The following TRPM2 variants were observed in gnomAD, a reference collection of about 807,000 sequenced individuals.
TRPM2 encodes the protein estrogen-responsive element-associated gene 1 protein.
A neutral mutation model predicts 174.0 loss-of-function variants in TRPM2; 161 were observed. The ratio of observed to expected loss-of-function variants is 0.93; its 90% CI spans 0.81 to 1.05. The LOEUF (loss-of-function observed/expected upper bound fraction) is 1.05. Among genes scored for constraint, TRPM2 ranks in the 50% least tolerant of loss-of-function variants. TRPM2 has a pLI of 0.00. For synonymous variants in TRPM2, 954 were observed against 861.3 expected, an observed-to-expected ratio of 1.11 and a Z score of -1.88; for missense variants, 2,057 against 2,038.0, an observed-to-expected ratio of 1.01 and a Z score of -0.18.
chr21:44,391,085 GA>G lies in TRPM2; in HGVS notation c.1440+62del, dbSNP rs2049158646. On this transcript the variant is annotated intron_variant, in intron 10 of 31. Transcript: ENST00000397928. This position sits in a 1 kb window ranked among gnomAD's most constrained non-coding sequence, Gnocchi z 5.0. ...CTGGGCCCACATGCATTGCACCACT[GA>G]AGCAAGGGCAGGCAAAGTTCGCATT... The G allele has an allele frequency of 6.2e-7, 1 of 1,606,696 alleles. No homozygotes were observed. Among genetic ancestry groups the G allele is most frequent in the Non-Finnish European group, 8.5e-7 (1 of 1,175,136 alleles).
At chr21:44,375,433 G>A (rs2048670035) in intron 5 of TRPM2, among the ~76,000 whole-genome samples, 1 of 152,204 alleles carries the variant, frequency 6.6e-6, no homozygotes, top group Admixed American at 6.5e-5. Flanking sequence ...GCCTGAAACA[G>A]CAGCATTGTG....
At position 44,366,385 on chromosome 21, in the gene TRPM2, G is replaced by A. The variant is rs190467963; in HGVS notation, c.424-369G>A. Among the ~76,000 whole-genome samples the A allele has an allele frequency of 3.8e-4, 57 of 150,532 alleles. No homozygotes were observed. Among genetic ancestry groups the A allele is most frequent in the African/African-American group, 1.2e-3 (48 of 39,888 alleles). ...CCCGGTGCAGGAGCTGATTAGACCC[G>A]GGGGAGGCAGGGCCCAGGCGCTACG... On this transcript the variant is annotated intron_variant, in intron 3 of 31. Transcript: ENST00000397928. This position sits in a 1 kb window ranked among gnomAD's most constrained non-coding sequence, Gnocchi z 6.0.
rs1297555125 is a variant in TRPM2, at chr21:44,364,172, C to A, written c.313C>A (p.Pro105Thr). ...HEQHLEEATK[P>T]HTFQGTQWDP... is the part of the protein sequence containing the mutation. Reference sequence around the variant, plus strand: ...GCAGCACTTGGAGGAGGCTACCAAGCCCCACACCTTCCAGGGCACACAGTG... The same window carrying A: ...GCAGCACTTGGAGGAGGCTACCAAGACCCACACCTTCCAGGGCACACAGTG... The change falls in exon 3 of 32, where the codon CCC becomes ACC. Residue 105 changes from proline to threonine, a missense_variant. Transcript: ENST00000397928. 6.2e-7 allele frequency: 1 copy of A among 1,614,074 alleles called. No homozygotes were observed. The highest frequency in any genetic ancestry group is 8.5e-7 in the Non-Finnish European group (1 of 1,180,036).
intron 2 of TRPM2, among the ~76,000 whole-genome samples, chr21:44,356,850 C>G (rs1238273879): frequency 6.6e-6 from 1 of 152,208 alleles, no homozygotes; most frequent in East Asian, 1.9e-4. Context: ...TTTCCTCTTT[C>G]TTTCAGACCA....
At chr21:44,441,459 C>T (rs192257262) in intron 31 of TRPM2, among the ~76,000 whole-genome samples, 2 of 152,328 alleles carry the variant, frequency 1.3e-5, no homozygotes, top group East Asian at 1.9e-4. Context: ...GCTTTAAATG[C>T]GGGCTAAATA....
Position 44,408,654 on chromosome 21 carries a change from CTTTT to C in TRPM2, c.2962+1907_2962+1910del, listed in dbSNP as rs34026339. On this transcript the variant is annotated intron_variant, in intron 19 of 31. Coordinates refer to ENST00000397928, the MANE Select transcript of TRPM2 (RefSeq NM_003307.4). ...GAAATGTCTCTCCCTCTCCTTTGCC[CTTTT>C]TTTTTTTTTTTTTTTTTCCGACAGG... Among the ~76,000 whole-genome samples, 35 of 102,706 alleles carry C rather than the reference CTTTT, an allele frequency of 3.4e-4. 1 individual carries two copies. Among genetic ancestry groups the C allele is most frequent in the African/African-American group, 1.1e-3 (31 of 27,606 alleles). The allele number at this position is 102,706 out of a possible 152,430, so 67.4% of individuals were successfully genotyped here.
At chr21:44,431,484 T>A (rs2051020601) in intron 27 of TRPM2, among the ~76,000 whole-genome samples, 1 of 152,112 alleles carries the variant, frequency 6.6e-6, no homozygotes, top group Admixed American at 6.5e-5. Flanking sequence ...GCTTTTTTTA[T>A]CTTGAGATGG....
chr21:44,355,183 C>A (rs2048020585), intron 2 of TRPM2, among the ~76,000 whole-genome samples: 1 of 152,060 alleles, frequency 6.6e-6, no homozygotes, highest in Admixed American at 6.5e-5. Flanking sequence ...GCCCGACTTG[C>A]CCCCAGGCCC....
chr21:44,405,153 C>T lies in TRPM2; in HGVS notation c.2550C>T (p.Asp850=). ...CCTCTTCCCAGTAGCTCTTCTATGACCCTGACGAGTGCGGGCTGATGAAGA... is the reference window on the plus strand; with the variant it reads ...CCTCTTCCCAGTAGCTCTTCTATGATCCTGACGAGTGCGGGCTGATGAAGA... ...VCEEMRQLFY[D]PDECGLMKKA... Residue 850 remains aspartate (D), a synonymous_variant, in exon 17 of 32, where the codon GAC becomes GAT. Transcript: ENST00000397928. The T allele has an allele frequency of 6.2e-7, 1 of 1,613,482 alleles. No homozygotes were observed. Among genetic ancestry groups the T allele is most frequent in the African/African-American group, 1.3e-5 (1 of 75,052 alleles).
Position 44,399,082 on chromosome 21 carries a change from T to C in TRPM2, c.2063-214T>C, listed in dbSNP as rs2049522965. Reference sequence around the variant, plus strand: ...GTCCCTGTCTGAGTTTTCTCCCTGTTGTCATTTTTGTAGAGGCAGTTCCAG... The same window carrying C: ...GTCCCTGTCTGAGTTTTCTCCCTGTCGTCATTTTTGTAGAGGCAGTTCCAG... On this transcript the variant is annotated intron_variant, in intron 13 of 31. Transcript: ENST00000397928. The surrounding 1 kb of genome is among the most constrained non-coding windows in gnomAD (Gnocchi z 4.6). Among the ~76,000 whole-genome samples, 1 of 152,110 alleles carries C rather than the reference T, an allele frequency of 6.6e-6. No homozygotes were observed. The highest frequency in any genetic ancestry group is 2.4e-5 in the African/African-American group (1 of 41,410).
chr21:44,383,271 T>C (rs191534459), intron 9 of TRPM2, among the ~76,000 whole-genome samples: 2 of 152,168 alleles, frequency 1.3e-5, no homozygotes, highest in Non-Finnish European at 2.9e-5. Flanking sequence ...GCCTGGCCCA[T>C]TCTCCAGGCC....
chr21:44,379,265 G>T (rs2048804326), intron 8 of TRPM2, 68 bp downstream of exon 8: 1 of 1,552,180 alleles, frequency 6.4e-7, no homozygotes, highest in East Asian at 2.2e-5. Context: ...AGCCTGGTGG[G>T]CAGGACCAGG....
intron 11 of TRPM2, among the ~76,000 whole-genome samples, chr21:44,394,317 C>CTTT (rs35448660): frequency 1.4e-4 from 16 of 112,664 alleles, no homozygotes; most frequent in African/African-American, 3.0e-4. Context: ...AAACACATTT[C>CTTT]TTTTTTTTTT....
chr21:44,406,843 G>A, intron 19 of TRPM2, 78 bp downstream of exon 19: 2 of 1,517,746 alleles, frequency 1.3e-6, no homozygotes, highest in Non-Finnish European at 1.8e-6. Flanking sequence ...CCGCATGAGT[G>A]GGAGTGAGGC....
chr21:44,419,905 G>A (rs2146355809), intron 22 of TRPM2, among the ~76,000 whole-genome samples: 1 of 151,582 alleles, frequency 6.6e-6, no homozygotes, highest in East Asian at 1.9e-4. Context: ...TAATGGTGAT[G>A]GTGACAGTGG....
intron 28 of TRPM2, among the ~76,000 whole-genome samples, chr21:44,435,485 C>T (rs2051209298): frequency 6.6e-6 from 1 of 152,022 alleles, no homozygotes; most frequent in Non-Finnish European, 1.5e-5. Context: ...CTGCCGGTCC[C>T]TGCCCATTAG....
At position 44,367,780 on chromosome 21, in the gene TRPM2, C is replaced by T. The variant is rs979544329; in HGVS notation, c.604+846C>T. 6.6e-6 allele frequency among the ~76,000 whole-genome samples: 1 copy of T among 152,218 alleles called. No individual in the cohort carries two copies. Among genetic ancestry groups the T allele is most frequent in the Non-Finnish European group, 1.5e-5 (1 of 68,042 alleles). On this transcript the variant is annotated intron_variant, in intron 4 of 31. Transcript: ENST00000397928. This position sits in a 1 kb window ranked among gnomAD's most constrained non-coding sequence, Gnocchi z 4.6. ...AGCCTGACTTGGCCTGCATGGCTCACAGAGTCCTCAGTTTCATTGTCTGCC... is the reference window on the plus strand; with the variant it reads ...AGCCTGACTTGGCCTGCATGGCTCATAGAGTCCTCAGTTTCATTGTCTGCC...
chr21:44,379,229 T>C (rs1373955123), intron 8 of TRPM2, 32 bp downstream of exon 8: 1 of 1,604,286 alleles, frequency 6.2e-7, no homozygotes, highest in Non-Finnish European at 8.5e-7. Context: ...GTCACCAGCA[T>C]GTGGCTGCTT....
chr21:44,419,417 G>A (rs539277668), intron 22 of TRPM2, among the ~76,000 whole-genome samples: 2 of 152,026 alleles, frequency 1.3e-5, no homozygotes, highest in African/African-American at 4.8e-5. Context: ...AGAATACAGT[G>A]GGGTCCTGAC....
Sources: allele counts gnomAD v4.1 joint callset (sites outside exome capture counted in the v4.1 genomes callset), GRCh38; gene constraint gnomAD v4.1.1; non-coding constraint Gnocchi (gnomAD v3.1); transcripts MANE v1.5; gene names NCBI Gene and HGNC (gene_info 2026-07-23, HGNC 2026-07-21).